CDC42EP4: variants seen among roughly 807,000 people sequenced by gnomAD.
CDC42EP4 encodes the protein CDC42 effector protein 4.
In CDC42EP4, 6 loss-of-function variants were observed where a neutral mutation model predicts 5.6. That is an observed-to-expected ratio of 1.07 (90% CI 0.59 to 2.12). The LOEUF is 2.12. Among genes scored for constraint, CDC42EP4 ranks in the 30% most tolerant of loss-of-function variants. CDC42EP4 has a pLI of 0.00. For synonymous variants in CDC42EP4, 230 were observed against 224.2 expected, an observed-to-expected ratio of 1.03 and a Z score of -0.23; for missense variants, 490 against 508.6, an observed-to-expected ratio of 0.96 and a Z score of 0.35.
chr17:73,307,382 G>A (rs1242570103), intron 1 of CDC42EP4: 1 of 152,076 alleles, frequency 6.6e-6, no homozygotes, highest in Non-Finnish European at 1.5e-5. Flanking sequence ...CGTATTTTAA[G>A]CTGGAGCTTT....
In CDC42EP4 at chr17:73,285,640, T is replaced by G. The variant is rs777589472; in HGVS notation, c.861A>C (p.Ala287=). ...CTGAGCCGGGGCTGGGGGCCGCTGC[T>G]GCCCACCCCTCATCCTCCAGAGCAT... ...PSHALEDEGW[A]AAAPSPGSAR... Residue 287 remains alanine (A), a synonymous_variant, in exon 2 of 2, where the codon GCA becomes GCC. Coordinates refer to ENST00000335793, the MANE Select transcript of CDC42EP4 (RefSeq NM_012121.5). This position sits in a 1 kb window ranked among gnomAD's most constrained non-coding sequence, Gnocchi z 6.8. 6.3e-7 allele frequency: 1 copy of G among 1,596,332 alleles called. No individual in the cohort carries two copies. The highest frequency in any genetic ancestry group is 8.6e-7 in the Non-Finnish European group (1 of 1,169,480).
chr17:73,306,401 G>A (rs1382925477), intron 1 of CDC42EP4, among the ~76,000 whole-genome samples: 4 of 151,986 alleles, frequency 2.6e-5, no homozygotes, highest in Non-Finnish European at 5.9e-5. Context: ...ACTCAAGGCT[G>A]AGGTGGGAGG....
rs1236932728 is a variant in CDC42EP4, at chr17:73,284,061, CAG to C, written c.*1367_*1368del. 6.6e-6 allele frequency: 1 copy of C among 152,222 alleles called. No homozygotes were observed. The allele number at this position is 152,222 out of a possible 1,614,324, so 9.4% of individuals were successfully genotyped here. ...TCCCCTCGGGGACAGTTACAGGACT[CAG>C]AGAGAAACGTGAATTTCAGAAAAAC... On this transcript the variant is annotated 3_prime_UTR_variant, in exon 2 of 2. Transcript: ENST00000335793.
rs1480325019 is a variant in CDC42EP4 at position 73,286,081 on chromosome 17, T to C, written c.420A>G (p.Ser140=). The C allele has an allele frequency of 3.7e-6, 6 of 1,613,994 alleles. No homozygotes were observed. Among genetic ancestry groups the C allele is most frequent in the Non-Finnish European group, 5.1e-6 (6 of 1,180,014 alleles). Residue 140 remains serine, a synonymous_variant, in exon 2 of 2, where the codon TCA becomes TCG. Transcript: ENST00000335793. The surrounding 1 kb of genome is among the most constrained non-coding windows in gnomAD (Gnocchi z 7.7). The stretch of plus-strand genomic sequence containing the variant: ...CATTGGCCTTCTTCACGGGGCTGGA[T>C]GACAGGCTCTTGGGCAGCTTACTGG... The part of the protein sequence containing the change: ...KGTSKLPKSL[S]SSPVKKANDG...
At chr17:73,297,295 C>CAA (rs771033180) in intron 1 of CDC42EP4, among the ~76,000 whole-genome samples, 1,783 of 101,106 alleles carry the variant, frequency 0.018, 53 homozygotes, top group African/African-American at 0.058. Flanking sequence ...ACTTCGTCTC[C>CAA]AAAAAAAAAA....
At chr17:73,297,309 A>AC (rs1555741606) in intron 1 of CDC42EP4, among the ~76,000 whole-genome samples, 1,802 of 148,780 alleles carry the variant, frequency 0.012, 29 homozygotes, top group African/African-American at 0.04. Flanking sequence ...AAAAAAAAAA[A>AC]ACACACACAC....
chr17:73,302,418 C>T lies in CDC42EP4; in HGVS notation c.-113+9475G>A, dbSNP rs1003548410. On this transcript the variant is annotated intron_variant, in intron 1 of 1. Transcript: ENST00000335793. The stretch of plus-strand genomic sequence containing the variant: ...CCTCCGGCATCTAATCCAGCAGCCA[C>T]AAGCCACATAAGGCTACTGAGTACT... Among the ~76,000 whole-genome samples the T allele has an allele frequency of 5.3e-5, 8 of 152,178 alleles. 1 individual carries two copies. The highest frequency in any genetic ancestry group is 1.9e-4 in the African/African-American group (8 of 41,440).
rs1354442200 is a variant in CDC42EP4, at chr17:73,285,236, G to A, written c.*194C>T. ...GCATGATGAAGTCAGGCAGCCAGTC[G>A]GCACCCATGCCAGCCCCCTACGTCC... On this transcript the variant is annotated 3_prime_UTR_variant, in exon 2 of 2. Coordinates refer to ENST00000335793, the MANE Select transcript of CDC42EP4 (RefSeq NM_012121.5). This position sits in a 1 kb window ranked among gnomAD's most constrained non-coding sequence, Gnocchi z 6.8. 1.7e-5 allele frequency: 8 copies of A among 465,896 alleles called. No homozygotes were observed. The highest frequency in any genetic ancestry group is 5.1e-5 in the South Asian group (1 of 19,474). 28.9% of individuals were successfully genotyped at this position (465,896 alleles called of 1,614,324 possible).
Position 73,285,524 on chromosome 17 carries a change from C to A in CDC42EP4, c.977G>T (p.Arg326Leu). 6.2e-7 allele frequency: 1 copy of A among 1,610,444 alleles called. No homozygotes were observed. Among genetic ancestry groups the A allele is most frequent in the Non-Finnish European group, 8.5e-7 (1 of 1,178,426 alleles). Residue 326 changes from arginine to leucine, a missense_variant, in exon 2 of 2, where the codon CGG becomes CTG. Arg to Leu is a moderately radical substitution (Grantham distance 102, BLOSUM62 -2). Coordinates refer to ENST00000335793, the MANE Select transcript of CDC42EP4 (RefSeq NM_012121.5). The surrounding 1 kb of genome is among the most constrained non-coding windows in gnomAD (Gnocchi z 6.8). The part of the protein sequence containing the change: ...GILEERSPAF[R>L]GPDRARAAVS... ...AGCAGCCCGGGCCCTGTCCGGCCCCCGGAAGGCAGGGCTGCGCTCCTCCAG... is the reference window on the plus strand; with the variant it reads ...AGCAGCCCGGGCCCTGTCCGGCCCCAGGAAGGCAGGGCTGCGCTCCTCCAG...
Position 73,286,123 on chromosome 17 carries a change from C to T in CDC42EP4, c.378G>A (p.Glu126=). Residue 126 remains glutamate, a synonymous_variant, in exon 2 of 2, where the codon GAG becomes GAA. Transcript: ENST00000335793. The surrounding 1 kb of genome is among the most constrained non-coding windows in gnomAD (Gnocchi z 7.7). ...AMSLPQLNEK[E]AAEKGTSKLP... is the part of the protein sequence containing the mutation. The stretch of plus-strand genomic sequence containing the variant: ...GCTTACTGGTGCCCTTCTCCGCGGC[C>T]TCCTTCTCATTGAGCTGGGGCAGGG... 6.2e-7 allele frequency: 1 copy of T among 1,614,054 alleles called. No individual in the cohort carries two copies. Among genetic ancestry groups the T allele is most frequent in the Non-Finnish European group, 8.5e-7 (1 of 1,180,036 alleles).
intron 1 of CDC42EP4, among the ~76,000 whole-genome samples, chr17:73,299,310 G>A (rs1427089757): frequency 6.6e-6 from 1 of 151,646 alleles, no homozygotes; most frequent in African/African-American, 2.4e-5. Flanking sequence ...GGCGCCTGTA[G>A]TCCCAGCTAC....
rs1452893982 is a variant in CDC42EP4, at chr17:73,286,713, C to A, written c.-112-101G>T. ...TGTCATTTAAACCCCAGCGCTCCTA[C>A]CAAAGTTAAATGCTGTGAAATAAGC... On this transcript the variant is annotated intron_variant, in intron 1 of 1. Coordinates refer to ENST00000335793, the MANE Select transcript of CDC42EP4 (RefSeq NM_012121.5). The surrounding 1 kb of genome is among the most constrained non-coding windows in gnomAD (Gnocchi z 7.7). 1.8e-6 allele frequency: 1 copy of A among 565,408 alleles called. No individual in the cohort carries two copies. The highest frequency in any genetic ancestry group is 3.1e-6 in the Non-Finnish European group (1 of 318,914). The allele number at this position is 565,408 out of a possible 1,614,324, so 35.0% of individuals were successfully genotyped here.
intron 1 of CDC42EP4, among the ~76,000 whole-genome samples, chr17:73,297,101 C>T (rs374737627): frequency 6.6e-6 from 1 of 151,304 alleles, no homozygotes; most frequent in East Asian, 1.9e-4. Flanking sequence ...CAAGACCAGC[C>T]TGGCCAACAT....
At chr17:73,293,220 C>T (rs1355663790) in intron 1 of CDC42EP4, among the ~76,000 whole-genome samples, 1 of 152,146 alleles carries the variant, frequency 6.6e-6, no homozygotes, top group Non-Finnish European at 1.5e-5. Flanking sequence ...GCGAGTGATT[C>T]AATCTGTGTA....
chr17:73,303,484 A>T (rs538706765), intron 1 of CDC42EP4, among the ~76,000 whole-genome samples: 1 of 152,154 alleles, frequency 6.6e-6, no homozygotes, highest in African/African-American at 2.4e-5. Flanking sequence ...CAACATGGTG[A>T]GACCCTGTCT....
In CDC42EP4 at chr17:73,285,440, A is replaced by T; in HGVS notation, c.1061T>A (p.Ile354Asn). The change falls in exon 2 of 2, where the codon ATC becomes AAC. Residue 354 changes from isoleucine (I) to asparagine (N), a missense_variant. Transcript: ENST00000335793. The surrounding 1 kb of genome is among the most constrained non-coding windows in gnomAD (Gnocchi z 6.8). ...CACCCACTGTCCGCCTCACACACGG[A>T]TTTCATCCTCCTCCTCCTCATCCAT... ...SFMDEEEEDE[I>N]RV 6.4e-7 allele frequency: 1 copy of T among 1,552,422 alleles called. No homozygotes were observed. The highest frequency in any genetic ancestry group is 8.7e-7 in the Non-Finnish European group (1 of 1,144,756).
At chr17:73,291,508 AGGTGGTGGGAGTCTCGCCAGAGGCCTG>A (rs2062161157) in intron 1 of CDC42EP4, among the ~76,000 whole-genome samples, 1 of 152,194 alleles carries the variant, frequency 6.6e-6, no homozygotes, top group African/African-American at 2.4e-5. Flanking sequence ...AAGAGAAAGT[AGGTGGTGGGAGTCTCGCCAGAGGCCTG>A]GGCAGGTCCT....
chr17:73,306,533 T>C (rs116827921), intron 1 of CDC42EP4, among the ~76,000 whole-genome samples: 6,132 of 152,126 alleles, frequency 0.04, 269 homozygotes, highest in African/African-American at 0.1. Flanking sequence ...AACTTCAATA[T>C]GATCAACCCC....
intron 1 of CDC42EP4, among the ~76,000 whole-genome samples, chr17:73,290,727 T>C (rs914668628): frequency 2.0e-5 from 3 of 152,078 alleles, no homozygotes; most frequent in African/African-American, 7.2e-5. Flanking sequence ...GTGTGGATGG[T>C]CAGAACCGGG....
Sources: gnomAD v4.1 joint callset for allele counts (sites outside exome capture counted in the v4.1 genomes callset) on GRCh38, gnomAD v4.1.1 for gene constraint, Gnocchi (gnomAD v3.1) non-coding constraint, MANE v1.5 for transcripts, NCBI Gene and HGNC (gene_info 2026-07-23, HGNC 2026-07-21) for gene names.